The following KLRD1 variants were observed in gnomAD, a reference collection of about 807,000 sequenced individuals.
The protein encoded by KLRD1 is natural killer cells antigen CD94.
In KLRD1, 21 loss-of-function variants were observed where a neutral mutation model predicts 22.6. The ratio of observed to expected loss-of-function variants is 0.93; its 90% CI spans 0.66 to 1.34. The LOEUF (loss-of-function observed/expected upper bound fraction) is 1.34, where lower values mean the gene tolerates loss of function less well. Ranked by LOEUF, KLRD1 falls within the 40% of genes most tolerant of loss-of-function variation. The pLI, the probability that KLRD1 is intolerant of heterozygous loss-of-function variation, is 0.00. For synonymous variants in KLRD1, 59 were observed against 71.1 expected (o/e 0.83, Z 0.85); for missense variants, 183 against 208.6 (o/e 0.88, Z 0.76).
rs1190408287 is a variant in KLRD1, at chr12:10,239,434, TTTCCTTCC to T, written c.-101+13245_-101+13252del. Among the ~76,000 whole-genome samples the T allele has an allele frequency of 6.0e-3, 250 of 41,432 alleles. 9 individuals are homozygous for T. Among genetic ancestry groups the T allele is most frequent in the African/African-American group, 0.018 (228 of 12,392 alleles). 27.2% of individuals were successfully genotyped at this position (41,432 alleles called of 152,430 possible). ...CTTCCTTCTTTCCATCCTTCCTTCC[TTTCCTTCC>T]TTCCTTCCTTCCTTCCTTCCTTCCT... On this transcript the variant is annotated intron_variant, in intron 1 of 5. Coordinates refer to the KLRD1 transcript ENST00000544747.
Position 10,320,789 on chromosome 12 carries a change from C to G in KLRD1, c.*5996C>G, listed in dbSNP as rs141161612. 23 of 152,226 alleles carry G rather than the reference C, an allele frequency of 1.5e-4. No homozygotes were observed. The East Asian group carries it at 4.4e-3, about 29-fold the overall frequency. The allele number at this position is 152,226 out of a possible 1,614,324, so 9.4% of individuals were successfully genotyped here. On this transcript the variant is annotated 3_prime_UTR_variant, in exon 6 of 6. Transcript: ENST00000336164. ...TCCTGTAAATATCATAGAAAGAACA[C>G]AAGTAGTGCCTCAATTCAGTCAGAT...
At chr12:10,259,950 A>G (rs554372654) in intron 1 of KLRD1, among the ~76,000 whole-genome samples, 2 of 152,328 alleles carry the variant, frequency 1.3e-5, no homozygotes, top group Admixed American at 6.5e-5. Context: ...TGGGCGACAG[A>G]GTGAGACTCC....
At chr12:10,298,616 C>T (rs963042918) in intron 1 of KLRD1, among the ~76,000 whole-genome samples, 1 of 152,180 alleles carries the variant, frequency 6.6e-6, no homozygotes, top group Non-Finnish European at 1.5e-5. Context: ...TGAATGAGAG[C>T]AAGGAATACC....
chr12:10,260,130 TATCATTCCCATCTGTATAACTAAATGCTC>T (rs1565451194), intron 1 of KLRD1, among the ~76,000 whole-genome samples: 1 of 151,830 alleles, frequency 6.6e-6, no homozygotes, highest in Non-Finnish European at 1.5e-5. Context: ...TAAATGCTCA[TATCATTCCCATCTGTATAACTAAATGCTC>T]ATATCATTCC....
At chr12:10,277,415 A>G (rs906499546) in intron 1 of KLRD1, among the ~76,000 whole-genome samples, 1 of 152,090 alleles carries the variant, frequency 6.6e-6, no homozygotes, top group Non-Finnish European at 1.5e-5. Flanking sequence ...AAATAAATCA[A>G]TTGCTATTTT....
chr12:10,323,811 CTA>C lies in KLRD1; in HGVS notation c.*9020_*9021del, dbSNP rs1222205012. ...GCATCATAATAGTTTTTATACTCAT[CTA>C]TGTTGATACATGTATCAATAGTTAA... On this transcript the variant is annotated 3_prime_UTR_variant, in exon 6 of 6. Coordinates refer to ENST00000336164, the MANE Select transcript of KLRD1 (RefSeq NM_002262.5). 1 of 146,422 alleles carries C rather than the reference CTA, an allele frequency of 6.8e-6. No homozygotes were observed. Among genetic ancestry groups the C allele is most frequent in the Non-Finnish European group, 1.5e-5 (1 of 66,394 alleles). The allele number at this position is 146,422 out of a possible 1,614,324, so 9.1% of individuals were successfully genotyped here.
intron 1 of KLRD1, among the ~76,000 whole-genome samples, chr12:10,257,221 C>T (rs1278466459): frequency 7.4e-6 from 1 of 135,318 alleles, no homozygotes; most frequent in African/African-American, 2.9e-5. Context: ...GGTCTCTTTT[C>T]ATTTATGCTA....
intron 1 of KLRD1, among the ~76,000 whole-genome samples, chr12:10,297,130 T>C (rs1041640819): frequency 3.9e-5 from 6 of 152,242 alleles, no homozygotes; most frequent in Non-Finnish European, 7.3e-5. Flanking sequence ...GTTATCCTGA[T>C]AGCTCAAAGG....
At position 10,319,316 on chromosome 12, in the gene KLRD1, T is replaced by C. The variant is rs1389315758; in HGVS notation, c.*4523T>C. On this transcript the variant is annotated 3_prime_UTR_variant, in exon 6 of 6. Transcript: ENST00000336164. ...AAATTTTGCTATATGAAAACAGTTATGTCTGTTACTATCAATCTGTGTTCA... is the reference window on the plus strand; with the variant it reads ...AAATTTTGCTATATGAAAACAGTTACGTCTGTTACTATCAATCTGTGTTCA... 2.0e-5 allele frequency: 3 copies of C among 152,238 alleles called. No homozygotes were observed. Among genetic ancestry groups the C allele is most frequent in the Non-Finnish European group, 4.4e-5 (3 of 68,044 alleles). 9.4% of individuals were successfully genotyped at this position (152,238 alleles called of 1,614,324 possible).
rs1202374158 is a variant in KLRD1 at position 10,325,295 on chromosome 12, C to A, written c.*10502C>A. On this transcript the variant is annotated 3_prime_UTR_variant, in exon 6 of 6. Coordinates refer to ENST00000336164, the MANE Select transcript of KLRD1 (RefSeq NM_002262.5). ...ATAGTTTTTATTTCCCAGTTATAAA[C>A]CTCAGTTGTTCATGTTATCTTTTTT... is the stretch of plus-strand genomic sequence containing the variant. 1 of 151,992 alleles carries A rather than the reference C, an allele frequency of 6.6e-6. No individual in the cohort carries two copies. Among genetic ancestry groups the A allele is most frequent in the Admixed American group, 6.6e-5 (1 of 15,258 alleles). 9.4% of individuals were successfully genotyped at this position (151,992 alleles called of 1,614,324 possible).
intron 1 of KLRD1, among the ~76,000 whole-genome samples, chr12:10,290,470 A>G (rs1684127991): frequency 6.6e-6 from 1 of 152,240 alleles, no homozygotes; most frequent in African/African-American, 2.4e-5. Context: ...AAGAATTTAA[A>G]ATGATTTCAT....
chr12:10,240,206 G>A (rs1012851702), intron 1 of KLRD1, among the ~76,000 whole-genome samples: 6 of 151,834 alleles, frequency 4.0e-5, no homozygotes, highest in African/African-American at 1.5e-4. Flanking sequence ...GACCACAGGT[G>A]CGCACCATCA....
intron 1 of KLRD1, among the ~76,000 whole-genome samples, chr12:10,273,324 T>TA (rs1949565702): frequency 6.6e-6 from 1 of 152,238 alleles, no homozygotes; most frequent in African/African-American, 2.4e-5. Context: ...AAGAATTCTA[T>TA]AATTATATGT....
Position 10,315,410 on chromosome 12 carries a change from A to G in KLRD1, c.*617A>G. The G allele has an allele frequency of 3.5e-6, 1 of 286,924 alleles. No homozygotes were observed. Among genetic ancestry groups the G allele is most frequent in the Non-Finnish European group, 7.0e-6 (1 of 143,342 alleles). 17.8% of individuals were successfully genotyped at this position (286,924 alleles called of 1,614,324 possible). On this transcript the variant is annotated 3_prime_UTR_variant, in exon 6 of 6. Transcript: ENST00000336164. ...CAAAGTGCTGGGATTATAGGTGTGA[A>G]CCACCATCCCTGGCCCTCTTCACAT...
intron 1 of KLRD1, among the ~76,000 whole-genome samples, chr12:10,241,247 T>C (rs1446000303): frequency 1.3e-5 from 2 of 152,200 alleles, no homozygotes; most frequent in Non-Finnish European, 2.9e-5. Context: ...CTTCACCTCA[T>C]CAATTATTAG....
intron 1 of KLRD1, among the ~76,000 whole-genome samples, chr12:10,269,579 T>C (rs1257872720): frequency 6.6e-6 from 1 of 152,252 alleles, no homozygotes; most frequent in Non-Finnish European, 1.5e-5. Flanking sequence ...CAAGTCATTT[T>C]ATCATAGTAC....
intron 1 of KLRD1, among the ~76,000 whole-genome samples, chr12:10,245,084 G>A (rs898866514): frequency 3.3e-5 from 5 of 151,922 alleles, no homozygotes; most frequent in African/African-American, 1.2e-4. Context: ...TCTGCTGGGT[G>A]CGGTGGCTCA....
At position 10,324,818 on chromosome 12, in the gene KLRD1, G is replaced by GTGTA. The variant is rs750696767; in HGVS notation, c.*10026_*10027insGTAT. The GTGTA allele has an allele frequency of 8.8e-3, 656 of 74,150 alleles. 11 individuals are homozygous for GTGTA. The highest frequency in any genetic ancestry group is 0.026 in the African/African-American group (621 of 23,586). 4.6% of individuals were successfully genotyped at this position (74,150 alleles called of 1,614,324 possible). ...AGTATATATGTATATGTGTGTGTGT[G>GTGTA]TATATATATATATATATATATATAT... is the stretch of plus-strand genomic sequence containing the variant. On this transcript the variant is annotated 3_prime_UTR_variant, in exon 6 of 6. Transcript: ENST00000336164.
intron 1 of KLRD1, among the ~76,000 whole-genome samples, chr12:10,286,661 G>GTTT (rs1565459881): frequency 1.4e-4 from 7 of 49,316 alleles, no homozygotes; most frequent in African/African-American, 4.9e-4. Context: ...CGCTTATGGT[G>GTTT]CTTTTTTTTT....
Sources: gnomAD v4.1 joint callset for allele counts (sites outside exome capture counted in the v4.1 genomes callset) on GRCh38, gnomAD v4.1.1 for gene constraint, MANE v1.5 for transcripts, NCBI Gene and HGNC (gene_info 2026-07-23, HGNC 2026-07-21) for gene names.